Variants in GHITM observed in about 807,000 individuals in gnomAD.
GHITM encodes the protein growth hormone-inducible transmembrane protein.
Under a neutral mutation model 38.7 loss-of-function variants are expected in GHITM, and 24 were observed. The observed-to-expected ratio is 0.62, with a 90% confidence interval of 0.45 to 0.87. The LOEUF is 0.87. Among genes scored for constraint, GHITM ranks in the 40% least tolerant of loss-of-function variants. The pLI, the probability that GHITM is intolerant of heterozygous loss-of-function variation, is 0.00. For synonymous variants in GHITM, 154 were observed against 147.8 expected (o/e 1.04, Z -0.30); for missense variants, 420 against 429.8 (o/e 0.98, Z 0.20).
In GHITM at chr10:84,148,761, G is replaced by C; in HGVS notation, c.515G>C (p.Gly172Ala). The C allele has an allele frequency of 1.2e-6, 2 of 1,613,242 alleles. No homozygotes were observed. The highest frequency in any genetic ancestry group is 1.7e-6 in the Non-Finnish European group (2 of 1,179,244). Residue 172 changes from glycine (G) to alanine (A), a missense_variant, in exon 6 of 9, where the codon GGA becomes GCA. Physicochemically the swap from Gly to Ala is moderately conservative, Grantham distance 60 (BLOSUM62 0). Coordinates refer to ENST00000372134, the MANE Select transcript of GHITM (RefSeq NM_014394.3). ...TIGVTFAAMVGAGMLVRSIPY... is the reference protein window; with the variant it reads ...TIGVTFAAMVAAGMLVRSIPY... The stretch of plus-strand genomic sequence containing the variant: ...GGTGTGACCTTTGCAGCCATGGTTG[G>C]AGCTGGAATGCTGGTACGATCAATA...
chr10:84,141,419 T>A (rs1382000604), intron 1 of GHITM, 43 bp from the exon 2 acceptor site: 1 of 1,299,890 alleles, frequency 7.7e-7, no homozygotes, highest in African/African-American at 1.5e-5. Flanking sequence ...TAGGTTGTTT[T>A]ACTTATGTTT....
At position 84,139,542 on chromosome 10, in the gene GHITM, ACG is replaced by A. The variant is rs1841483596; in HGVS notation, c.-89_-88del. 2 of 152,284 alleles carry A rather than the reference ACG, an allele frequency of 1.3e-5. No homozygotes were observed. The highest frequency in any genetic ancestry group is 4.8e-5 in the African/African-American group (2 of 41,472). The allele number at this position is 152,284 out of a possible 1,614,324, so 9.4% of individuals were successfully genotyped here. On this transcript the variant is annotated 5_prime_UTR_variant, in exon 1 of 9. Coordinates refer to ENST00000372134, the MANE Select transcript of GHITM (RefSeq NM_014394.3). ...GGAGGAACTGTGCTCTTTGAGGCCG[ACG>A]CTAGGGGCCCGGAAGGGAAACTGCG...
chr10:84,152,280 A>C lies in GHITM; in HGVS notation c.970A>C (p.Met324Leu). The stretch of plus-strand genomic sequence containing the variant: ...CTTTTCTAGGATGCTGAGTATCTAC[A>C]TGGATACATTAAATATATTTATGCG... ...DPINSMLSIY[M>L]DTLNIFMRVA... Residue 324 changes from methionine to leucine, a missense_variant, in exon 9 of 9, where the codon ATG (methionine) becomes CTG (leucine). By Grantham distance (15) the Met-to-Leu change is conservative (BLOSUM62 2). Transcript: ENST00000372134. 6.3e-7 allele frequency: 1 copy of C among 1,588,728 alleles called. No individual in the cohort carries two copies. Among genetic ancestry groups the C allele is most frequent in the Non-Finnish European group, 8.6e-7 (1 of 1,158,410 alleles).
At chr10:84,149,098 T>A (rs1283522170) in intron 6 of GHITM, among the ~76,000 whole-genome samples, 1 of 152,220 alleles carries the variant, frequency 6.6e-6, no homozygotes, top group Non-Finnish European at 1.5e-5. Flanking sequence ...TGTATTTTGT[T>A]CGATACCAGG....
chr10:84,141,576 C>T lies in GHITM; in HGVS notation c.76C>T (p.Pro26Ser). The T allele has an allele frequency of 1.2e-6, 2 of 1,613,220 alleles. No homozygotes were observed. Among genetic ancestry groups the T allele is most frequent in the Non-Finnish European group, 1.7e-6 (2 of 1,179,140 alleles). The change falls in exon 2 of 9, where the codon CCT becomes TCT. Residue 26 changes from proline (P) to serine (S), a missense_variant. Coordinates refer to ENST00000372134, the MANE Select transcript of GHITM (RefSeq NM_014394.3). ...VFHPAFTKASPVVKNSITKNQ... is the reference protein window; with the variant it reads ...VFHPAFTKASSVVKNSITKNQ... ...CCACCCAGCTTTCACCAAGGCCTCC[C>T]CTGTTGTGAAGAATTCCATCACGAA...
chr10:84,153,074 T>G lies in GHITM; in HGVS notation c.*726T>G, dbSNP rs1314029891. 1.3e-5 allele frequency: 2 copies of G among 152,232 alleles called. No homozygotes were observed. The highest frequency in any genetic ancestry group is 2.9e-5 in the Non-Finnish European group (2 of 68,030). The allele number at this position is 152,232 out of a possible 1,614,324, so 9.4% of individuals were successfully genotyped here. A position where few individuals can be genotyped will look rare whatever the true frequency, so the allele number is the denominator to read the frequency against. ...GAATTATATATGTGTGTTTTACTTT[T>G]GAATGTTACAAAAGGAAATAACTTT... On this transcript the variant is annotated 3_prime_UTR_variant, in exon 9 of 9. Coordinates refer to ENST00000372134, the MANE Select transcript of GHITM (RefSeq NM_014394.3).
At chr10:84,140,454 T>C (rs117414558) in intron 1 of GHITM, 2 of 152,292 alleles carry the variant, frequency 1.3e-5, no homozygotes, top group East Asian at 3.9e-4. Flanking sequence ...CCCAGGAGCC[T>C]ACATTTTAAG....
At chr10:84,144,220 CTT>C in intron 4 of GHITM, 114 bp downstream of exon 4, 3 of 666,584 alleles carry the variant, frequency 4.5e-6, no homozygotes, top group Non-Finnish European at 8.2e-6. Flanking sequence ...TGTGTCTAGT[CTT>C]TGTGTATACA....
At chr10:84,145,107 A>G (rs924962639) in intron 5 of GHITM, 91 bp downstream of exon 5, 8 of 979,770 alleles carry the variant, frequency 8.2e-6, no homozygotes, top group Non-Finnish European at 1.2e-5. Context: ...AATGGAAAGA[A>G]TACTGTATTG....
At chr10:84,152,145 T>C in intron 8 of GHITM, 119 bp from the exon 9 acceptor site, 1 of 578,298 alleles carries the variant, frequency 1.7e-6, no homozygotes, top group South Asian at 2.2e-5. Flanking sequence ...AAACATCTTA[T>C]TTTTAATTTC....
chr10:84,149,597 A>G (rs2132742777), intron 6 of GHITM, among the ~76,000 whole-genome samples: 1 of 152,254 alleles, frequency 6.6e-6, no homozygotes, highest in South Asian at 2.1e-4. Flanking sequence ...ATAAGCTGTT[A>G]GCAGTCCTTA....
chr10:84,150,318 T>C, intron 7 of GHITM, 75 bp downstream of exon 7: 1 of 1,108,100 alleles, frequency 9.0e-7, no homozygotes, highest in East Asian at 2.6e-5. Flanking sequence ...ATATCCTAAT[T>C]GATTGAGTCA....
intron 5 of GHITM, among the ~76,000 whole-genome samples, chr10:84,146,545 T>G (rs368074215): frequency 1.7e-3 from 258 of 152,328 alleles, no homozygotes; most frequent in African/African-American, 6.0e-3. Context: ...TATTTATATA[T>G]TCTTAGGATC....
At chr10:84,142,560 C>A in intron 2 of GHITM, 95 bp from the exon 3 acceptor site, 1 of 635,960 alleles carries the variant, frequency 1.6e-6, no homozygotes, top group Non-Finnish European at 2.6e-6. Flanking sequence ...GTTTCTTTAA[C>A]TAGAGTTTTC....
At position 84,150,779 on chromosome 10, in the gene GHITM, A is replaced by C. The variant is rs758930043; in HGVS notation, c.852A>C (p.Leu284Phe). ...TLYSVAMYGGLVLFSMFLLYD... is the reference protein window; with the variant it reads ...TLYSVAMYGGFVLFSMFLLYD... ...ACTCAGTGGCAATGTACGGTGGATT[A>C]GTTCTTTTCAGCATGTTCCTTCTGT... The change falls in exon 8 of 9, where the codon TTA becomes TTC. Residue 284 changes from leucine to phenylalanine, a missense_variant. Transcript: ENST00000372134. 1.2e-6 allele frequency: 2 copies of C among 1,612,346 alleles called. No homozygotes were observed. The highest frequency in any genetic ancestry group is 1.7e-6 in the Non-Finnish European group (2 of 1,178,550).
chr10:84,143,593 G>A (rs1275013538), intron 3 of GHITM, among the ~76,000 whole-genome samples: 1 of 152,086 alleles, frequency 6.6e-6, no homozygotes, highest in African/African-American at 2.4e-5. Flanking sequence ...AGCATCATTT[G>A]TGTTAATACC....
chr10:84,141,642 T>A lies in GHITM; in HGVS notation c.129+13T>A. ...AACACCTAGCAGGGTAAAGATAATC[T>A]GAATGTTTTTATATTGCTTCTTTTT... is the stretch of plus-strand genomic sequence containing the variant. On this transcript the variant is annotated intron_variant, in intron 2 of 8. Transcript: ENST00000372134. The A allele has an allele frequency of 6.2e-7, 1 of 1,612,882 alleles. No individual in the cohort carries two copies. Among genetic ancestry groups the A allele is most frequent in the Non-Finnish European group, 8.5e-7 (1 of 1,178,882 alleles).
intron 3 of GHITM, among the ~76,000 whole-genome samples, chr10:84,143,495 CA>C (rs1195086846): frequency 6.6e-6 from 1 of 152,220 alleles, no homozygotes; most frequent in Non-Finnish European, 1.5e-5. Context: ...AGTTGCCTCT[CA>C]GTACCCTAAA....
intron 1 of GHITM, among the ~76,000 whole-genome samples, chr10:84,140,912 C>T (rs759953174): frequency 2.6e-5 from 4 of 152,082 alleles, no homozygotes; most frequent in Non-Finnish European, 4.4e-5. Flanking sequence ...TTTTATATCT[C>T]ATGTTGAAGG....
Sources: gnomAD v4.1 joint callset for allele counts (sites outside exome capture counted in the v4.1 genomes callset) on GRCh38, gnomAD v4.1.1 for gene constraint, MANE v1.5 for transcripts, NCBI Gene and HGNC (gene_info 2026-07-23, HGNC 2026-07-21) for gene names.